The following CPEB3 variants were observed in gnomAD, a reference collection of about 807,000 sequenced individuals.
CPEB3 encodes cytoplasmic polyadenylation element-binding protein 3.
Under a neutral mutation model 67.2 loss-of-function variants are expected in CPEB3, and 20 were observed. The observed-to-expected ratio is 0.30, with a 90% CI of 0.21 to 0.43. The LOEUF (loss-of-function observed/expected upper bound fraction) is 0.43. CPEB3 is among the 20% of genes least tolerant of loss of function. The pLI, the probability that CPEB3 is intolerant of heterozygous loss-of-function variation, is 1.00. For missense variants in CPEB3, 746 were observed against 968.6 expected, an observed-to-expected ratio of 0.77 and a Z score of 3.05; for synonymous variants, 376 against 393.1, an observed-to-expected ratio of 0.96 and a Z score of 0.51.
rs933750145 is a variant in CPEB3 at position 92,047,544 on chromosome 10, C to A, written c.*4668G>T. On this transcript the variant is annotated 3_prime_UTR_variant, in exon 10 of 10. Coordinates refer to ENST00000265997, the MANE Select transcript of CPEB3 (RefSeq NM_014912.5). ...GCAGTACATTCTGCATTAGCCCATG[C>A]CTCACTAACAAGCTATAAAACACAA... 6.6e-6 allele frequency: 1 copy of A among 152,188 alleles called. No homozygotes were observed. Among genetic ancestry groups the A allele is most frequent in the Non-Finnish European group, 1.5e-5 (1 of 68,034 alleles). 9.4% of individuals were successfully genotyped at this position (152,188 alleles called of 1,614,324 possible). A position where few individuals can be genotyped will look rare whatever the true frequency, so the allele number is the denominator to read the frequency against.
At chr10:92,241,227 C>T (rs1445652120) in intron 1 of CPEB3, among the ~76,000 whole-genome samples, 1 of 150,064 alleles carries the variant, frequency 6.7e-6, no homozygotes, top group East Asian at 2.0e-4. Context: ...TCAACAGGAG[C>T]CTAAGAATTT....
chr10:92,186,915 T>C (rs1202844109), intron 3 of CPEB3, among the ~76,000 whole-genome samples: 1 of 152,150 alleles, frequency 6.6e-6, no homozygotes, highest in Admixed American at 6.5e-5. Context: ...TGTAATCTGC[T>C]AACTTTCAAA....
chr10:92,192,666 C>T, intron 2 of CPEB3, 30 bp from the exon 3 acceptor site: 1 of 1,518,090 alleles, frequency 6.6e-7, no homozygotes, highest in Admixed American at 2.0e-5. Context: ...CAAGACAATA[C>T]ATAAAATTAC....
intron 8 of CPEB3, among the ~76,000 whole-genome samples, chr10:92,085,489 T>C (rs1843333039): frequency 6.6e-6 from 1 of 152,232 alleles, no homozygotes; most frequent in Admixed American, 6.5e-5. Flanking sequence ...ACTAGAATAC[T>C]GCAGCAATAT....
At chr10:92,155,746 C>T (rs774893170) in intron 4 of CPEB3, among the ~76,000 whole-genome samples, 2 of 152,026 alleles carry the variant, frequency 1.3e-5, no homozygotes, top group African/African-American at 4.8e-5. Context: ...GAGCAGGGAC[C>T]AAGTCATTCT....
At chr10:92,275,130 T>G (rs1349398549) in intron 1 of CPEB3, among the ~76,000 whole-genome samples, 3 of 152,208 alleles carry the variant, frequency 2.0e-5, no homozygotes, top group Admixed American at 2.0e-4. Context: ...GAATTTCCTT[T>G]TTGCTTAAGT....
intron 3 of CPEB3, among the ~76,000 whole-genome samples, chr10:92,182,936 T>C (rs1848528085): frequency 6.6e-6 from 1 of 151,908 alleles, no homozygotes; most frequent in African/African-American, 2.4e-5. Context: ...AATACATCCA[T>C]AAATAAGAAA....
At chr10:92,167,772 G>A (rs1221681036) in intron 4 of CPEB3, among the ~76,000 whole-genome samples, 1 of 152,084 alleles carries the variant, frequency 6.6e-6, no homozygotes, top group African/African-American at 2.4e-5. Context: ...GCCAGGTGTG[G>A]TGGCGCACAC....
intron 9 of CPEB3, among the ~76,000 whole-genome samples, chr10:92,071,882 T>A (rs1050986418): frequency 6.6e-6 from 1 of 152,200 alleles, no homozygotes; most frequent in Non-Finnish European, 1.5e-5. Context: ...CCATTACATT[T>A]AAAAAACTGG....
intron 3 of CPEB3, among the ~76,000 whole-genome samples, chr10:92,191,583 G>A (rs983528362): frequency 6.6e-6 from 1 of 152,050 alleles, no homozygotes; most frequent in African/African-American, 2.4e-5. Context: ...GGTGTTCACA[G>A]TCATTCACAC....
chr10:92,145,183 GA>G, intron 4 of CPEB3, 98 bp from the exon 5 acceptor site: 1 of 1,350,748 alleles, frequency 7.4e-7, no homozygotes. Flanking sequence ...TTAGAAGCCC[GA>G]AGTGCAGAGA....
At position 92,050,059 on chromosome 10, in the gene CPEB3, T is replaced by A. The variant is rs1590029769; in HGVS notation, c.*2153A>T. 2 of 152,222 alleles carry A rather than the reference T, an allele frequency of 1.3e-5. No homozygotes were observed. Among genetic ancestry groups the A allele is most frequent in the East Asian group, 3.9e-4 (2 of 5,178 alleles). The allele number at this position is 152,222 out of a possible 1,614,324, so 9.4% of individuals were successfully genotyped here. A position where few individuals can be genotyped will look rare whatever the true frequency, so the allele number is the denominator to read the frequency against. The stretch of plus-strand genomic sequence containing the variant: ...ATGTCAGTCAGAAAGCATGCCTTTT[T>A]CCTTAAAAACAAAAAAAAAAATCTG... On this transcript the variant is annotated 3_prime_UTR_variant, in exon 10 of 10. Transcript: ENST00000265997.
chr10:92,273,783 T>C (rs185375859), intron 1 of CPEB3, among the ~76,000 whole-genome samples: 105 of 152,294 alleles, frequency 6.9e-4, no homozygotes, highest in Non-Finnish European at 1.1e-3. Flanking sequence ...GGAGCTATCA[T>C]GCCTAGGTGA....
chr10:92,091,876 G>C lies in CPEB3; in HGVS notation c.1641C>G (p.Pro547=). 1 of 1,613,672 alleles carries C rather than the reference G, an allele frequency of 6.2e-7. No homozygotes were observed. Among genetic ancestry groups the C allele is most frequent in the Non-Finnish European group, 8.5e-7 (1 of 1,179,832 alleles). The change falls in exon 8 of 10, where the codon CCC becomes CCG. Residue 547 remains proline, a synonymous_variant. Coordinates refer to ENST00000265997, the MANE Select transcript of CPEB3 (RefSeq NM_014912.5). ...CTCCCCCAACAAAGATAGTTTTTCT[G>C]GGGTCCAAAGGCTGAGAACCATCCA... The part of the protein sequence containing the change: ...FVMDGSQPLD[P]RKTIFVGGVP...
chr10:92,123,982 T>TCTAACTACTGTCAG (rs1845505119), intron 6 of CPEB3, among the ~76,000 whole-genome samples: 1 of 152,202 alleles, frequency 6.6e-6, no homozygotes, highest in Non-Finnish European at 1.5e-5. Flanking sequence ...CTTAGCCCTA[T>TCTAACTACTGTCAG]CTAACTACTG....
chr10:92,145,401 G>A (rs1171449191), intron 4 of CPEB3, among the ~76,000 whole-genome samples: 3 of 152,146 alleles, frequency 2.0e-5, no homozygotes, highest in Non-Finnish European at 4.4e-5. Flanking sequence ...GGCTGAGGTG[G>A]GCGCATCACC....
intron 8 of CPEB3, among the ~76,000 whole-genome samples, chr10:92,083,549 CA>C (rs1269253513): frequency 6.6e-6 from 1 of 152,178 alleles, no homozygotes; most frequent in African/African-American, 2.4e-5. Flanking sequence ...AAACTGAAGG[CA>C]AAATTAATTG....
At chr10:92,167,253 A>G (rs942573535) in intron 4 of CPEB3, among the ~76,000 whole-genome samples, 1 of 152,204 alleles carries the variant, frequency 6.6e-6, no homozygotes, top group Admixed American at 6.5e-5. Flanking sequence ...TTGGAATAAC[A>G]CTTTTAATTT....
At position 92,180,977 on chromosome 10, in the gene CPEB3, ATAT is replaced by A. The variant is rs1280342841; in HGVS notation, c.1205_1207del (p.Asn402del). The stretch of plus-strand genomic sequence containing the variant: ...TGAAGACTTACTGTTAAGTGCCATA[ATAT>A]TATCTGTTCCTGGATGATGGAAATT... On this transcript the variant is annotated inframe_deletion, in exon 4 of 10. Coordinates refer to ENST00000265997, the MANE Select transcript of CPEB3 (RefSeq NM_014912.5). 18 of 1,501,946 alleles carry A rather than the reference ATAT, an allele frequency of 1.2e-5. No individual in the cohort carries two copies. The highest frequency in any genetic ancestry group is 1.7e-5 in the Non-Finnish European group (18 of 1,078,730). 93.0% of individuals were successfully genotyped at this position (1,501,946 alleles called of 1,614,324 possible).
Sources: gnomAD v4.1 joint callset for allele counts (sites outside exome capture counted in the v4.1 genomes callset) on GRCh38, gnomAD v4.1.1 for gene constraint, MANE v1.5 for transcripts, NCBI Gene and HGNC (gene_info 2026-07-23, HGNC 2026-07-21) for gene names.